Variants in GUCY2F observed in about 807,000 individuals in gnomAD.
GUCY2F encodes guanylate cyclase 2F, retinal.
A neutral mutation model predicts 73.1 loss-of-function variants in GUCY2F; 61 were observed. The ratio of observed to expected loss-of-function variants is 0.83; its 90% CI spans 0.68 to 1.03. The LOEUF (loss-of-function observed/expected upper bound fraction) is 1.03. Ranked by LOEUF, GUCY2F falls within the 50% of genes least tolerant of loss-of-function variation. The pLI, the probability that GUCY2F is intolerant of heterozygous loss-of-function variation, is 0.00. For missense variants in GUCY2F, 912 were observed against 854.3 expected, an observed-to-expected ratio of 1.07 and a Z score of -0.84; for synonymous variants, 331 against 307.8, an observed-to-expected ratio of 1.08 and a Z score of -0.79.
At chrX:109,373,498 A>G (rs1476605896) in intron 19 of GUCY2F, among the ~76,000 whole-genome samples, 1 of 111,852 alleles carries the variant, frequency 8.9e-6, no homozygotes, top group Non-Finnish European at 1.9e-5. Flanking sequence ...CAAAAGGTTT[A>G]AAAGAGGTGG....
At chrX:109,399,923 T>C (rs1227049563) in intron 10 of GUCY2F, among the ~76,000 whole-genome samples, 1 of 103,500 alleles carries the variant, frequency 9.7e-6, no homozygotes, top group Non-Finnish European at 2.0e-5. Flanking sequence ...AGAAGGGCTC[T>C]GTTAAGGAAT....
Position 109,468,066 on chromosome X carries a change from G to C in GUCY2F, c.731-2623C>G, listed in dbSNP as rs958315756. ...AGGCCTTTGTTGTGGCTGCACTGCA[G>C]TTCAGTTCTCTCTGCCCAATCCTAC... On this transcript the variant is annotated intron_variant, in intron 2 of 19. Coordinates refer to ENST00000218006, the MANE Select transcript of GUCY2F (RefSeq NM_001522.3). 5.4e-5 allele frequency among the ~76,000 whole-genome samples: 6 copies of C among 111,432 alleles called. No individual in the cohort carries two copies. In the Admixed American group the frequency reaches 5.7e-4, roughly 11 times the overall value.
intron 2 of GUCY2F, among the ~76,000 whole-genome samples, chrX:109,466,140 GA>G (rs1932464219): frequency 9.0e-6 from 1 of 111,426 alleles, no homozygotes; most frequent in African/African-American, 3.3e-5. Context: ...ACAAACTATT[GA>G]AGACCAGAGG....
chrX:109,456,781 G>A (rs1341244911), intron 3 of GUCY2F, among the ~76,000 whole-genome samples: 1 of 111,913 alleles, frequency 8.9e-6, no homozygotes, highest in South Asian at 3.8e-4. Context: ...TGCTGTAGTT[G>A]GTTTGAGTTC....
At position 109,452,003 on chromosome X, in the gene GUCY2F, A is replaced by G. The variant is rs770658000; in HGVS notation, c.1472+20T>C. On this transcript the variant is annotated intron_variant, in intron 5 of 19. Transcript: ENST00000218006. ...ATATGGGCTTGTATTTTTTATATAC[A>G]AAAATAACAAAAAATGTACCTTATA... 9.9e-6 allele frequency: 8 copies of G among 804,321 alleles called. No homozygotes were observed. The highest frequency in any genetic ancestry group is 1.3e-5 in the Non-Finnish European group (7 of 525,771). 66.3% of individuals were successfully genotyped at this position (804,321 alleles called of 1,213,427 possible). A position where few individuals can be genotyped will look rare whatever the true frequency, so the allele number is the denominator to read the frequency against.
intron 1 of GUCY2F, among the ~76,000 whole-genome samples, chrX:109,476,827 G>GTA (rs56799740): frequency 0.084 from 8,967 of 107,123 alleles, 1,028 homozygotes; most frequent in African/African-American, 0.3. Context: ...ATATATATGT[G>GTA]TATATATATA....
rs924823099 is a variant in GUCY2F, at chrX:109,481,962, T to C, written c.-182A>G. The C allele has an allele frequency of 2.1e-4, 24 of 112,013 alleles. No individual in the cohort carries two copies. The highest frequency in any genetic ancestry group is 7.5e-4 in the African/African-American group (23 of 30,778). The allele number at this position is 112,013 out of a possible 1,213,427, so 9.2% of individuals were successfully genotyped here. ...TGTGTCCATTTCTTTGCATCCTCTA[T>C]GCATTCACAATCCTGTCAAGGACTC... is the stretch of plus-strand genomic sequence containing the variant. On this transcript the variant is annotated 5_prime_UTR_variant, in exon 1 of 20. Coordinates refer to ENST00000218006, the MANE Select transcript of GUCY2F (RefSeq NM_001522.3).
At chrX:109,418,614 TATAAC>T (rs1233048815) in intron 8 of GUCY2F, among the ~76,000 whole-genome samples, 3 of 111,413 alleles carry the variant, frequency 2.7e-5, no homozygotes, top group Non-Finnish European at 5.7e-5. Flanking sequence ...TCAATGAAAA[TATAAC>T]ATAAAATTTT....
At chrX:109,408,191 G>C (rs1313056646) in intron 9 of GUCY2F, among the ~76,000 whole-genome samples, 1 of 112,596 alleles carries the variant, frequency 8.9e-6, no homozygotes, top group Non-Finnish European at 1.9e-5. Context: ...GAGACCTGGA[G>C]TCAAAGGAGA....
rs186133799 is a variant in GUCY2F at position 109,433,450 on chromosome X, C to T, written c.1702-3054G>A. On this transcript the variant is annotated intron_variant, in intron 7 of 19. Transcript: ENST00000218006. Reference sequence around the variant, plus strand: ...TTGACCCAAGGTCTTCCATCTCCTACTTTGTTGCTCTTTCCTCTCGTTAGG... The same window carrying T: ...TTGACCCAAGGTCTTCCATCTCCTATTTTGTTGCTCTTTCCTCTCGTTAGG... 1.9e-3 allele frequency among the ~76,000 whole-genome samples: 211 copies of T among 112,295 alleles called. 3 individuals carry two copies. Among genetic ancestry groups the T allele is most frequent in the African/African-American group, 6.6e-3 (203 of 30,919 alleles).
intron 10 of GUCY2F, among the ~76,000 whole-genome samples, chrX:109,403,745 C>T (rs1313183401): frequency 8.9e-6 from 1 of 112,539 alleles, no homozygotes; most frequent in Non-Finnish European, 1.9e-5. Context: ...AAATGAAATT[C>T]TGTTTTCCCA....
chrX:109,434,845 G>A (rs1326374780), intron 7 of GUCY2F, among the ~76,000 whole-genome samples: 1 of 111,171 alleles, frequency 9.0e-6, no homozygotes, highest in Non-Finnish European at 1.9e-5. Flanking sequence ...TTCTACATAT[G>A]GCTAGACAGT....
At chrX:109,374,632 G>A (rs1260311608) in intron 19 of GUCY2F, among the ~76,000 whole-genome samples, 2 of 111,584 alleles carry the variant, frequency 1.8e-5, no homozygotes, top group Non-Finnish European at 3.8e-5. Flanking sequence ...CAGAGAGAGA[G>A]AGAGAGAGAG....
At chrX:109,452,987 T>C (rs1036618608) in intron 4 of GUCY2F, among the ~76,000 whole-genome samples, 2 of 111,671 alleles carry the variant, frequency 1.8e-5, no homozygotes, top group African/African-American at 6.5e-5. Context: ...GGAGTGGAAG[T>C]GGAGAGACAA....
At chrX:109,458,266 G>T (rs1475975459) in intron 3 of GUCY2F, among the ~76,000 whole-genome samples, 2 of 112,258 alleles carry the variant, frequency 1.8e-5, no homozygotes, top group Non-Finnish European at 3.8e-5. Context: ...CTAATGTGTG[G>T]TTAAATGATC....
intron 19 of GUCY2F, among the ~76,000 whole-genome samples, chrX:109,375,311 A>C (rs1417680703): frequency 8.9e-6 from 1 of 111,790 alleles, no homozygotes; most frequent in Non-Finnish European, 1.9e-5. Flanking sequence ...GCTGCTTCAG[A>C]ATTGTACCAT....
intron 12 of GUCY2F, among the ~76,000 whole-genome samples, chrX:109,394,134 G>C (rs1930646068): frequency 8.9e-6 from 1 of 111,838 alleles, no homozygotes; most frequent in African/African-American, 3.3e-5. Context: ...GAAGTTAGGT[G>C]GCTAGCCTTG....
rs1240661729 is a variant in GUCY2F at position 109,405,243 on chromosome X, A to C, written c.1969-759T>G. On this transcript the variant is annotated intron_variant, in intron 9 of 19. Coordinates refer to ENST00000218006, the MANE Select transcript of GUCY2F (RefSeq NM_001522.3). ...CTGTAATGCATATAAATACACAAGAAATTAATTACAAGGTGGGTTGCCAAA... is the reference window on the plus strand; with the variant it reads ...CTGTAATGCATATAAATACACAAGACATTAATTACAAGGTGGGTTGCCAAA... Among the ~76,000 whole-genome samples, 4 of 112,550 alleles carry C rather than the reference A, an allele frequency of 3.6e-5. No individual in the cohort carries two copies. In the East Asian group the frequency reaches 1.1e-3, roughly 31 times the overall value.
At chrX:109,423,901 A>C (rs1302240017) in intron 8 of GUCY2F, among the ~76,000 whole-genome samples, 1 of 111,156 alleles carries the variant, frequency 9.0e-6, no homozygotes, top group East Asian at 2.8e-4. Context: ...AAGAATATAG[A>C]TCAATGGGAC....
Sources: gnomAD v4.1 joint callset for allele counts (sites outside exome capture counted in the v4.1 genomes callset) on GRCh38, gnomAD v4.1.1 for gene constraint, MANE v1.5 for transcripts, NCBI Gene and HGNC (gene_info 2026-07-23, HGNC 2026-07-21) for gene names.